Variants in STAM observed in about 807,000 individuals in gnomAD.
STAM encodes the protein signal transducing adapter molecule 1.
Under a neutral mutation model 63.4 loss-of-function variants are expected in STAM, and 16 were observed. The observed-to-expected ratio is 0.25, with a 90% CI of 0.17 to 0.38. The LOEUF is 0.38. Among genes scored for constraint, STAM ranks in the 10% least tolerant of loss-of-function variants. STAM has a pLI of 1.00. For synonymous variants in STAM, 238 were observed against 223.9 expected, an observed-to-expected ratio of 1.06 and a Z score of -0.56; for missense variants, 636 against 657.1, an observed-to-expected ratio of 0.97 and a Z score of 0.35.
At chr10:17,675,266 G>A (rs1285843214) in intron 2 of STAM, among the ~76,000 whole-genome samples, 4 of 152,188 alleles carry the variant, frequency 2.6e-5, no homozygotes, top group African/African-American at 9.7e-5. Flanking sequence ...CCCTTTGGGA[G>A]GCCAAGGTGG....
chr10:17,688,807 T>C (rs575099573), intron 5 of STAM, among the ~76,000 whole-genome samples: 41 of 152,220 alleles, frequency 2.7e-4, no homozygotes, highest in African/African-American at 9.6e-4. Context: ...ATTAATTAGG[T>C]AACACTGTCT....
chr10:17,702,294 G>A (rs1333236429), intron 9 of STAM, among the ~76,000 whole-genome samples: 3 of 152,008 alleles, frequency 2.0e-5, no homozygotes, highest in Admixed American at 6.6e-5. Flanking sequence ...TATGGTCATC[G>A]GTAGAAAACT....
At chr10:17,676,118 G>A (rs1290079059) in intron 2 of STAM, among the ~76,000 whole-genome samples, 1 of 152,184 alleles carries the variant, frequency 6.6e-6, no homozygotes, top group Admixed American at 6.5e-5. Flanking sequence ...AATTAGAAAG[G>A]TCTATTGCAA....
chr10:17,715,573 G>A lies in STAM; in HGVS notation c.*793G>A, dbSNP rs189092661. Reference sequence around the variant, plus strand: ...ACATTTCAGAGTATTGTGGGACCATGAGACAAAATTAAGTACGATCACATT... The same window carrying A: ...ACATTTCAGAGTATTGTGGGACCATAAGACAAAATTAAGTACGATCACATT... On this transcript the variant is annotated 3_prime_UTR_variant, in exon 14 of 14. Coordinates refer to ENST00000377524, the MANE Select transcript of STAM (RefSeq NM_003473.4). 1 of 152,690 alleles carries A rather than the reference G, an allele frequency of 6.5e-6. No homozygotes were observed. Among genetic ancestry groups the A allele is most frequent in the East Asian group, 1.9e-4 (1 of 5,180 alleles). The allele number at this position is 152,690 out of a possible 1,614,324, so 9.5% of individuals were successfully genotyped here.
intron 1 of STAM, among the ~76,000 whole-genome samples, chr10:17,645,809 TCAAG>T (rs1473348850): frequency 6.6e-5 from 10 of 152,346 alleles, no homozygotes; most frequent in African/African-American, 9.6e-5. Flanking sequence ...GTTGCTGTTC[TCAAG>T]CAGTTTTACA....
At chr10:17,687,936 A>G in intron 4 of STAM, 91 bp from the exon 5 acceptor site, 2 of 1,127,364 alleles carry the variant, frequency 1.8e-6, no homozygotes, top group South Asian at 2.4e-5. Context: ...GATTCAAAAA[A>G]CATCACTTAA....
At position 17,695,178 on chromosome 10, in the gene STAM, A is replaced by G; in HGVS notation, c.665A>G (p.Glu222Gly). 6.2e-7 allele frequency: 1 copy of G among 1,614,064 alleles called. No individual in the cohort carries two copies. Among genetic ancestry groups the G allele is most frequent in the South Asian group, 1.1e-5 (1 of 91,072 alleles). Reference protein sequence around the residue: ...GRKVRAIYDFEAAEDNELTFK... With the variant: ...GRKVRAIYDFGAAEDNELTFK... Reference sequence around the variant, plus strand: ...AAAGTTCGTGCTATATATGACTTTGAAGCTGCTGAAGACAATGAACTTACT... The same window carrying G: ...AAAGTTCGTGCTATATATGACTTTGGAGCTGCTGAAGACAATGAACTTACT... Residue 222 changes from glutamate (E) to glycine (G), a missense_variant, in exon 7 of 14, where the codon GAA becomes GGA. Around this residue, in one of 3 missense-constraint regions of STAM, gnomAD observed 532 missense variants for 536.9 expected, o/e 0.99. Transcript: ENST00000377524.
intron 2 of STAM, among the ~76,000 whole-genome samples, chr10:17,662,843 T>C (rs1554823029): frequency 6.6e-6 from 1 of 152,226 alleles, no homozygotes; most frequent in Non-Finnish European, 1.5e-5. Context: ...CTCTGCCTGC[T>C]TTTGATTGAA....
intron 1 of STAM, among the ~76,000 whole-genome samples, chr10:17,649,858 C>G (rs966800948): frequency 6.6e-6 from 1 of 152,172 alleles, no homozygotes; most frequent in Non-Finnish European, 1.5e-5. Context: ...AGTGATCTGC[C>G]TGCCTCAGCC....
rs1461937324 is a variant in STAM at position 17,655,521 on chromosome 10, A to G, written c.41-4943A>G. ...TGACTAACTAGCAGGTGATGCTGTG[A>G]TATATAGCAGGTATTATACACCTGT... is the stretch of plus-strand genomic sequence containing the variant. On this transcript the variant is annotated intron_variant, in intron 1 of 13. Coordinates refer to ENST00000377524, the MANE Select transcript of STAM (RefSeq NM_003473.4). Among the ~76,000 whole-genome samples, 4 of 152,166 alleles carry G rather than the reference A, an allele frequency of 2.6e-5. No individual in the cohort carries two copies. The South Asian group carries it at 6.2e-4, about 24-fold the overall frequency.
chr10:17,698,111 T>A (rs1835841242), intron 8 of STAM, among the ~76,000 whole-genome samples: 1 of 152,178 alleles, frequency 6.6e-6, no homozygotes, highest in African/African-American at 2.4e-5. Context: ...AAATTACAGA[T>A]CTTTAAGAAA....
At chr10:17,706,038 A>G (rs577083359) in intron 12 of STAM, among the ~76,000 whole-genome samples, 6 of 152,276 alleles carry the variant, frequency 3.9e-5, no homozygotes, top group Admixed American at 3.9e-4. Flanking sequence ...ACTGCAGTCT[A>G]GCCTGGGCAA....
At chr10:17,695,379 T>C (rs1194969299) in intron 7 of STAM, 138 bp downstream of exon 7, 1 of 719,154 alleles carries the variant, frequency 1.4e-6, no homozygotes, top group Non-Finnish European at 2.1e-6. Context: ...AGTTGGCTGA[T>C]TTGCTTGTGT....
chr10:17,687,853 T>C (rs1554826266), intron 4 of STAM, among the ~76,000 whole-genome samples, 174 bp from the exon 5 acceptor site: 1 of 152,202 alleles, frequency 6.6e-6, no homozygotes, highest in Non-Finnish European at 1.5e-5. Context: ...ATATGATGGG[T>C]TTTTTCATAG....
At chr10:17,661,024 C>G (rs1834146966) in intron 2 of STAM, among the ~76,000 whole-genome samples, 1 of 152,002 alleles carries the variant, frequency 6.6e-6, no homozygotes, top group Admixed American at 6.5e-5. Context: ...GAGTTCTTTT[C>G]TCCTTTGTCA....
At chr10:17,661,801 G>A (rs1834178674) in intron 2 of STAM, among the ~76,000 whole-genome samples, 1 of 152,140 alleles carries the variant, frequency 6.6e-6, no homozygotes. Context: ...ATGGTGCAGA[G>A]GCAGTTTTCT....
intron 13 of STAM, among the ~76,000 whole-genome samples, chr10:17,713,652 A>AT (rs1554830313): frequency 6.6e-6 from 1 of 152,038 alleles, no homozygotes; most frequent in Non-Finnish European, 1.5e-5. Flanking sequence ...TTTTGAAGGC[A>AT]TTATCTTCAA....
At chr10:17,648,291 G>T (rs1554821134) in intron 1 of STAM, among the ~76,000 whole-genome samples, 1 of 152,132 alleles carries the variant, frequency 6.6e-6, no homozygotes, top group East Asian at 1.9e-4. Context: ...CTAGCTGGAG[G>T]TTTGTAAAAT....
chr10:17,686,611 C>T (rs374571069), intron 4 of STAM, among the ~76,000 whole-genome samples: 2 of 152,070 alleles, frequency 1.3e-5, no homozygotes, highest in Non-Finnish European at 2.9e-5. Flanking sequence ...AACTCCTGAC[C>T]TTGTGATTGC....
Sources: allele counts gnomAD v4.1 joint callset (sites outside exome capture counted in the v4.1 genomes callset), GRCh38; gene constraint gnomAD v4.1.1; regional missense constraint gnomAD v4.1.1; transcripts MANE v1.5; gene names NCBI Gene and HGNC (gene_info 2026-07-23, HGNC 2026-07-21).